The following GTPBP10 variants were observed in gnomAD, a reference collection of about 807,000 sequenced individuals.
The protein encoded by GTPBP10 is GTP-binding protein 10.
Under a neutral mutation model 44.8 loss-of-function variants are expected in GTPBP10, and 38 were observed. The ratio of observed to expected loss-of-function variants is 0.85; its 90% CI spans 0.65 to 1.11. The LOEUF (loss-of-function observed/expected upper bound fraction) is 1.11. GTPBP10 is among the 50% of genes most tolerant of loss of function. The probability of loss-of-function intolerance (pLI) is 0.00; values close to 1 mark genes in which losing one functional copy is unlikely to be tolerated. For missense variants in GTPBP10, 462 were observed against 453.7 expected, an observed-to-expected ratio of 1.02 and a Z score of -0.17; for synonymous variants, 152 against 150.6, an observed-to-expected ratio of 1.01 and a Z score of -0.07.
At chr7:90,365,578 G>A (rs1322599113) in intron 4 of GTPBP10, among the ~76,000 whole-genome samples, 12 of 151,518 alleles carry the variant, frequency 7.9e-5, no homozygotes, top group East Asian at 2.0e-4. Flanking sequence ...GGGTTTCACC[G>A]TTTTAGCCGG....
chr7:90,354,126 G>A (rs868234974), intron 2 of GTPBP10, among the ~76,000 whole-genome samples: 1 of 151,956 alleles, frequency 6.6e-6, no homozygotes, highest in Non-Finnish European at 1.5e-5. Context: ...GAGCCACCAC[G>A]CCTGGCTTTT....
intron 8 of GTPBP10, chr7:90,378,449 A>G (rs1377176983): frequency 3.6e-5 from 6 of 164,764 alleles, no homozygotes; most frequent in African/African-American, 1.4e-4. Flanking sequence ...CCAGGTTTTT[A>G]TCTTGCTTCA....
chr7:90,375,676 C>T (rs1357457932), intron 6 of GTPBP10, among the ~76,000 whole-genome samples: 1 of 152,076 alleles, frequency 6.6e-6, no homozygotes, highest in East Asian at 1.9e-4. Context: ...AATTTCAGGA[C>T]ATGAGACTTC....
intron 4 of GTPBP10, among the ~76,000 whole-genome samples, chr7:90,363,625 T>C (rs990788011): frequency 2.6e-5 from 4 of 152,202 alleles, no homozygotes; most frequent in Non-Finnish European, 5.9e-5. Context: ...TGAGTTGCTC[T>C]TTTTGAAGAA....
intron 4 of GTPBP10, among the ~76,000 whole-genome samples, chr7:90,368,805 ACT>A (rs1296516716): frequency 6.6e-6 from 1 of 151,990 alleles, no homozygotes; most frequent in Non-Finnish European, 1.5e-5. Flanking sequence ...AATTTGTCAA[ACT>A]CATTCTCCAT....
At chr7:90,366,828 G>C (rs1796144774) in intron 4 of GTPBP10, among the ~76,000 whole-genome samples, 1 of 151,698 alleles carries the variant, frequency 6.6e-6, no homozygotes, top group Admixed American at 6.6e-5. Context: ...CCTTGTGCTA[G>C]CTCTTGAATG....
At chr7:90,350,003 T>C (rs562056202) in intron 1 of GTPBP10, among the ~76,000 whole-genome samples, 6 of 152,240 alleles carry the variant, frequency 3.9e-5, no homozygotes, top group Admixed American at 6.5e-5. Flanking sequence ...ACATGTGCCA[T>C]GTTGGTTTGC....
Position 90,385,163 on chromosome 7 carries a change from A to G in GTPBP10, c.*9A>G. On this transcript the variant is annotated 3_prime_UTR_variant, in exon 10 of 10. Transcript: ENST00000222511. ...AAATGGATATAATTTAAATATATTAAAAATGGTATTGATGGAACAGTATTT... is the reference window on the plus strand; with the variant it reads ...AAATGGATATAATTTAAATATATTAGAAATGGTATTGATGGAACAGTATTT... The G allele has an allele frequency of 6.4e-7, 1 of 1,567,134 alleles. No individual in the cohort carries two copies.
chr7:90,358,117 A>C (rs1795941890), intron 4 of GTPBP10, among the ~76,000 whole-genome samples: 1 of 152,224 alleles, frequency 6.6e-6, no homozygotes, highest in Admixed American at 6.5e-5. Context: ...TACACAAATC[A>C]ATAGCACTGC....
intron 1 of GTPBP10, among the ~76,000 whole-genome samples, chr7:90,348,885 C>T (rs552768356): frequency 3.3e-4 from 50 of 152,230 alleles, no homozygotes; most frequent in African/African-American, 1.1e-3. Flanking sequence ...ATCTAATGTT[C>T]GTTTTTCTGG....
At chr7:90,360,227 T>C (rs978849056) in intron 4 of GTPBP10, among the ~76,000 whole-genome samples, 3 of 152,208 alleles carry the variant, frequency 2.0e-5, no homozygotes, top group Admixed American at 1.3e-4. Context: ...GCCTATGTCC[T>C]GAATGGTGTT....
chr7:90,381,832 A>G (rs17863081), intron 8 of GTPBP10, among the ~76,000 whole-genome samples: 10,266 of 152,266 alleles, frequency 0.067, 380 homozygotes, highest in South Asian at 0.15. Context: ...TTCTTCGTCA[A>G]TAAGTGATAC....
At chr7:90,365,050 G>C (rs1322670875) in intron 4 of GTPBP10, among the ~76,000 whole-genome samples, 1 of 152,206 alleles carries the variant, frequency 6.6e-6, no homozygotes, top group Non-Finnish European at 1.5e-5. Flanking sequence ...GGCTAGGAAA[G>C]GGAATTCCCT....
In GTPBP10 at chr7:90,386,902, C is replaced by T. The variant is rs958887487; in HGVS notation, c.*1748C>T. 2 of 152,104 alleles carry T rather than the reference C, an allele frequency of 1.3e-5. No homozygotes were observed. The allele number at this position is 152,104 out of a possible 1,614,324, so 9.4% of individuals were successfully genotyped here. ...AAAAGCTCCCTTTCTGCATTAGGCC[C>T]CTCAGTTCTTCCCAGGGAAAATGAT... On this transcript the variant is annotated 3_prime_UTR_variant, in exon 10 of 10. Transcript: ENST00000222511.
rs1489572328 is a variant in GTPBP10 at position 90,387,960 on chromosome 7, A to C, written c.*2806A>C. 1 of 152,190 alleles carries C rather than the reference A, an allele frequency of 6.6e-6. No individual in the cohort carries two copies. The highest frequency in any genetic ancestry group is 1.5e-5 in the Non-Finnish European group (1 of 68,034). The allele number at this position is 152,190 out of a possible 1,614,324, so 9.4% of individuals were successfully genotyped here. ...GTTTCATCAGGTGAATATCAGAAGT[A>C]CTGACACCATAATCTCATTTTGCAC... On this transcript the variant is annotated 3_prime_UTR_variant, in exon 10 of 10. Transcript: ENST00000222511.
chr7:90,391,247 T>C lies in GTPBP10; in HGVS notation c.*6093T>C, dbSNP rs1371149541. On this transcript the variant is annotated 3_prime_UTR_variant, in exon 10 of 10. Transcript: ENST00000222511. ...TAGTGTGTATTTCAGAACTTTTCCA[T>C]TTAATATTTTTGGACCACAGTTGAC... is the stretch of plus-strand genomic sequence containing the variant. 6.7e-6 allele frequency: 1 copy of C among 150,040 alleles called. No homozygotes were observed. Among genetic ancestry groups the C allele is most frequent in the Non-Finnish European group, 1.5e-5 (1 of 67,560 alleles). 9.3% of individuals were successfully genotyped at this position (150,040 alleles called of 1,614,324 possible). A position where few individuals can be genotyped will look rare whatever the true frequency, so the allele number is the denominator to read the frequency against.
chr7:90,384,284 A>T (rs1221270724), intron 9 of GTPBP10, among the ~76,000 whole-genome samples: 1 of 152,156 alleles, frequency 6.6e-6, no homozygotes, highest in Non-Finnish European at 1.5e-5. Flanking sequence ...TAATCCATCT[A>T]ATCAGTATGC....
intron 5 of GTPBP10, among the ~76,000 whole-genome samples, chr7:90,372,644 A>G (rs917502141): frequency 1.3e-5 from 2 of 151,884 alleles, no homozygotes; most frequent in Non-Finnish European, 1.5e-5. Context: ...TGAAACCTCT[A>G]TACCCCTCAG....
At chr7:90,356,917 A>C (rs772935682) in intron 4 of GTPBP10, among the ~76,000 whole-genome samples, 8 of 152,228 alleles carry the variant, frequency 5.3e-5, no homozygotes, top group Non-Finnish European at 1.0e-4. Flanking sequence ...CTGTAATTAA[A>C]GCATCAAGAT....
Sources: gnomAD v4.1 joint callset for allele counts (sites outside exome capture counted in the v4.1 genomes callset) on GRCh38, gnomAD v4.1.1 for gene constraint, MANE v1.5 for transcripts, NCBI Gene and HGNC (gene_info 2026-07-23, HGNC 2026-07-21) for gene names.